PJA2: variants seen among roughly 807,000 people sequenced by gnomAD.
The protein encoded by PJA2 is E3 ubiquitin-protein ligase Praja-2.
Under a neutral mutation model 69.3 loss-of-function variants are expected in PJA2, and 25 were observed. That is an observed-to-expected ratio of 0.36 (90% CI 0.26 to 0.50). The LOEUF is 0.50. Ranked by LOEUF, PJA2 falls within the 20% of genes least tolerant of loss-of-function variation. The pLI is 0.96. For synonymous variants in PJA2, 308 were observed against 277.8 expected (o/e 1.11, Z -1.08); for missense variants, 809 against 830.2 (o/e 0.97, Z 0.31).
At chr5:109,351,737 A>G (rs1212191345) in intron 7 of PJA2, among the ~76,000 whole-genome samples, 1 of 152,128 alleles carries the variant, frequency 6.6e-6, no homozygotes, top group African/African-American at 2.4e-5. Flanking sequence ...ACAATGACCA[A>G]TCTAGTATTG....
intron 9 of PJA2, 88 bp downstream of exon 9, chr5:109,344,100 CAA>C (rs916556182): frequency 0.051 from 19,886 of 391,802 alleles, no homozygotes; most frequent in South Asian, 0.083. Context: ...TTTGTCTCAC[CAA>C]AAAAAAAAAA....
intron 1 of PJA2, among the ~76,000 whole-genome samples, chr5:109,408,566 T>C (rs1191115081): frequency 2.6e-5 from 4 of 152,252 alleles, no homozygotes; most frequent in Admixed American, 1.3e-4. Flanking sequence ...TGTACTTGTA[T>C]GTGTCTAGAA....
At chr5:109,342,830 T>G (rs1427935600) in intron 9 of PJA2, among the ~76,000 whole-genome samples, 282 of 19,110 alleles carry the variant, frequency 0.015, no homozygotes, top group East Asian at 0.027. Flanking sequence ...GGAGGGAGGT[T>G]GGGGGGTCAG....
chr5:109,402,283 G>C (rs1469871538), intron 1 of PJA2, among the ~76,000 whole-genome samples: 1 of 152,004 alleles, frequency 6.6e-6, no homozygotes, highest in Non-Finnish European at 1.5e-5. Context: ...GATTTTTCAA[G>C]ATGAATTAAA....
chr5:109,390,721 G>C (rs749285187), intron 1 of PJA2: 9 of 151,192 alleles, frequency 6.0e-5, no homozygotes, highest in Non-Finnish European at 1.2e-4. Context: ...TAGCTTTTTT[G>C]ATACATCCTT....
At chr5:109,381,182 G>A (rs1747039010) in intron 3 of PJA2, among the ~76,000 whole-genome samples, 1 of 151,662 alleles carries the variant, frequency 6.6e-6, no homozygotes, top group Middle Eastern at 3.5e-3. Context: ...ATCTCTACTT[G>A]ATCCACATTT....
intron 1 of PJA2, among the ~76,000 whole-genome samples, chr5:109,389,484 A>T (rs1046136899): frequency 3.3e-5 from 5 of 152,012 alleles, no homozygotes; most frequent in African/African-American, 1.2e-4. Context: ...TCTGTAGTGA[A>T]GTCTCTTTTT....
At chr5:109,381,464 T>TAATAACCTTTAATAAC in intron 3 of PJA2, 39 bp downstream of exon 3, 1 of 1,550,920 alleles carries the variant, frequency 6.4e-7, no homozygotes, top group Non-Finnish European at 8.8e-7. Flanking sequence ...AATTCCTATA[T>TAATAACCTTTAATAAC]AACTATTAAT....
At chr5:109,349,789 T>C (rs1762219736) in intron 7 of PJA2, among the ~76,000 whole-genome samples, 1 of 152,176 alleles carries the variant, frequency 6.6e-6, no homozygotes, top group Non-Finnish European at 1.5e-5. Flanking sequence ...TCTGTGTAAT[T>C]ATCTTTATTT....
Position 109,353,206 on chromosome 5 carries a change from A to C in PJA2, c.1764+2709T>G, listed in dbSNP as rs186841839. On this transcript the variant is annotated intron_variant, in intron 7 of 9. Coordinates refer to ENST00000361189, the MANE Select transcript of PJA2 (RefSeq NM_014819.5). The stretch of plus-strand genomic sequence containing the variant: ...GATATCTATATATTAGATACCTATA[A>C]TATCTATAGATATCTATATATTAGA... Among the ~76,000 whole-genome samples, 106 of 138,734 alleles carry C rather than the reference A, an allele frequency of 7.6e-4. 1 individual carries two copies. The highest frequency in any genetic ancestry group is 2.7e-3 in the African/African-American group (102 of 38,258). The allele number at this position is 138,734 out of a possible 152,430, so 91.0% of individuals were successfully genotyped here.
In PJA2 at chr5:109,337,361, A is replaced by G; in HGVS notation, c.2002-5T>C. 1 of 1,586,744 alleles carries G rather than the reference A, an allele frequency of 6.3e-7. No individual in the cohort carries two copies. The highest frequency in any genetic ancestry group is 8.5e-7 in the Non-Finnish European group (1 of 1,169,864). ...GCACACAGGGCATGTTCCCGACTGG[A>G]GAAAAAAAAAATGTTAAGAGCCACC... On this transcript the variant is annotated splice_polypyrimidine_tract_variant and splice_region_variant and intron_variant, in intron 9 of 9. Coordinates refer to ENST00000361189, the MANE Select transcript of PJA2 (RefSeq NM_014819.5).
At chr5:109,367,791 A>T (rs1232603397) in intron 5 of PJA2, among the ~76,000 whole-genome samples, 1 of 152,236 alleles carries the variant, frequency 6.6e-6, no homozygotes, top group Non-Finnish European at 1.5e-5. Context: ...AATATTAGCA[A>T]ATCTAATTAT....
chr5:109,389,561 A>AT (rs749507065), intron 1 of PJA2, among the ~76,000 whole-genome samples: 37 of 151,824 alleles, frequency 2.4e-4, no homozygotes, highest in Admixed American at 8.5e-4. Context: ...ACAGGTTTTC[A>AT]TTTTTTAAAA....
At chr5:109,345,188 A>C (rs2126987629) in intron 7 of PJA2, among the ~76,000 whole-genome samples, 1 of 151,170 alleles carries the variant, frequency 6.6e-6, no homozygotes, top group African/African-American at 2.4e-5. Flanking sequence ...AGTAAAAAAA[A>C]AAAAAAAAAA....
intron 1 of PJA2, among the ~76,000 whole-genome samples, chr5:109,407,621 CA>C (rs1747720863): frequency 6.6e-6 from 1 of 151,998 alleles, no homozygotes; most frequent in Non-Finnish European, 1.5e-5. Context: ...AAGGAAACCA[CA>C]AAACTGTGAA....
intron 7 of PJA2, among the ~76,000 whole-genome samples, chr5:109,352,375 T>C (rs1249608701): frequency 6.6e-6 from 1 of 152,174 alleles, no homozygotes; most frequent in Non-Finnish European, 1.5e-5. Flanking sequence ...TAGCATAAAA[T>C]GAAAGACTAA....
intron 1 of PJA2, among the ~76,000 whole-genome samples, chr5:109,400,754 T>G (rs973399925): frequency 1.3e-5 from 2 of 151,168 alleles, no homozygotes; most frequent in Admixed American, 6.6e-5. Flanking sequence ...CAGAGGCAGG[T>G]GGATCACGAG....
intron 1 of PJA2, among the ~76,000 whole-genome samples, chr5:109,383,993 A>G (rs1478764200): frequency 1.6e-4 from 24 of 152,208 alleles, no homozygotes. Context: ...TCTCAGAAAT[A>G]CCAAAATGGC....
intron 9 of PJA2, among the ~76,000 whole-genome samples, chr5:109,341,253 G>T (rs1298664677): frequency 1.4e-5 from 2 of 140,364 alleles, no homozygotes; most frequent in African/African-American, 5.7e-5. Context: ...CTGCCCGGCC[G>T]CCCATCCTCT....
Sources: gnomAD v4.1 joint callset for allele counts (sites outside exome capture counted in the v4.1 genomes callset) on GRCh38, gnomAD v4.1.1 for gene constraint, MANE v1.5 for transcripts, NCBI Gene and HGNC (gene_info 2026-07-23, HGNC 2026-07-21) for gene names.